Variants in EPB41L4A observed in about 807,000 individuals in gnomAD.
The protein encoded by EPB41L4A is erythrocyte membrane protein band 4.1 like 4A, also known as band 4.1-like protein 4A.
A neutral mutation model predicts 108.6 loss-of-function variants in EPB41L4A; 100 were observed. That is an observed-to-expected ratio of 0.92 (90% confidence interval 0.78 to 1.09). The LOEUF is 1.09. EPB41L4A is among the 50% of genes least tolerant of loss of function. The pLI is 0.00. For synonymous variants in EPB41L4A, 319 were observed against 289.0 expected, an observed-to-expected ratio of 1.10 and a Z score of -1.05; for missense variants, 1,030 against 842.7, an observed-to-expected ratio of 1.22 and a Z score of -2.75.
intron 7 of EPB41L4A, among the ~76,000 whole-genome samples, chr5:112,261,400 T>C (rs936347724): frequency 3.3e-5 from 5 of 152,210 alleles, no homozygotes; most frequent in Admixed American, 3.3e-4. Flanking sequence ...ATAATCCAAT[T>C]GATTAAAAAA....
At chr5:112,339,640 T>A (rs1019453012) in intron 1 of EPB41L4A, among the ~76,000 whole-genome samples, 3 of 151,142 alleles carry the variant, frequency 2.0e-5, no homozygotes, top group Admixed American at 2.0e-4. Context: ...TTCAAGCGAT[T>A]CCCCCGCCTC....
At chr5:112,258,621 G>A (rs895282950) in intron 9 of EPB41L4A, among the ~76,000 whole-genome samples, 1 of 151,986 alleles carries the variant, frequency 6.6e-6, no homozygotes, top group African/African-American at 2.4e-5. Flanking sequence ...GCCTTCTTTC[G>A]ACCATTTTTC....
upstream of EPB41L4A, chr5:112,419,673 G>A (rs926611737): frequency 2.2e-5 from 10 of 456,534 alleles, no homozygotes; most frequent in Non-Finnish European, 4.0e-5. Flanking sequence ...CAGAGGCGAA[G>A]GTCGTCGCTC....
chr5:112,389,670 A>G (rs712679), intron 1 of EPB41L4A, among the ~76,000 whole-genome samples: 2,812 of 152,298 alleles, frequency 0.018, 86 homozygotes, highest in African/African-American at 0.063. Context: ...TTTCCCGTCT[A>G]TAAAGGCAAC....
At chr5:112,276,749 A>G (rs2150495446) in intron 3 of EPB41L4A, among the ~76,000 whole-genome samples, 1 of 152,314 alleles carries the variant, frequency 6.6e-6, no homozygotes, top group Admixed American at 6.5e-5. Context: ...GGTATCATGT[A>G]TTTATAACAT....
At chr5:112,232,385 G>A (rs374300666) in intron 12 of EPB41L4A, among the ~76,000 whole-genome samples, 8 of 152,286 alleles carry the variant, frequency 5.3e-5, no homozygotes, top group East Asian at 3.9e-4. Context: ...TGCCTTTCAC[G>A]TCTTAGTTTC....
intron 1 of EPB41L4A, among the ~76,000 whole-genome samples, chr5:112,364,706 T>C (rs891987097): frequency 1.3e-5 from 2 of 152,348 alleles, no homozygotes; most frequent in East Asian, 3.9e-4. Context: ...TAACAAAACA[T>C]CTAAAAACTC....
At chr5:112,385,464 G>A (rs907038581) in intron 1 of EPB41L4A, among the ~76,000 whole-genome samples, 65 of 141,554 alleles carry the variant, frequency 4.6e-4, no homozygotes, top group African/African-American at 1.6e-3. Context: ...AGAGTCCTAC[G>A]TTGTTAAGCC....
At chr5:112,185,092 CTTTT>C (rs34741856) in intron 17 of EPB41L4A, among the ~76,000 whole-genome samples, 2 of 142,474 alleles carry the variant, frequency 1.4e-5, no homozygotes, top group Admixed American at 7.0e-5. Context: ...GCTGTGAAGC[CTTTT>C]TTTTTTTTTT....
chr5:112,206,011 C>T (rs950595194), intron 13 of EPB41L4A: 1 of 154,310 alleles, frequency 6.5e-6, no homozygotes, highest in African/African-American at 2.4e-5. Context: ...GGCTTCATCC[C>T]TCCAGATGAG....
intron 18 of EPB41L4A, among the ~76,000 whole-genome samples, chr5:112,181,640 A>G (rs972222531): frequency 2.0e-5 from 3 of 152,226 alleles, no homozygotes; most frequent in Admixed American, 1.3e-4. Context: ...TGCAGTATAT[A>G]CAAAAATTTA....
chr5:112,177,923 C>G (rs371283036), intron 18 of EPB41L4A, among the ~76,000 whole-genome samples: 1 of 151,256 alleles, frequency 6.6e-6, no homozygotes, highest in African/African-American at 2.4e-5. Flanking sequence ...AAAAAACAGG[C>G]GTAATAAACC....
intron 1 of EPB41L4A, among the ~76,000 whole-genome samples, chr5:112,362,010 C>G (rs1384927878): frequency 6.6e-6 from 1 of 152,200 alleles, no homozygotes; most frequent in Non-Finnish European, 1.5e-5. Context: ...ATTTTAAATT[C>G]TTGGTCTTGT....
intron 18 of EPB41L4A, among the ~76,000 whole-genome samples, chr5:112,179,808 A>G (rs989941592): frequency 2.6e-5 from 4 of 152,170 alleles, no homozygotes; most frequent in Non-Finnish European, 4.4e-5. Context: ...ACTGTACTAC[A>G]TGATCTAGCC....
At chr5:112,383,293 C>T (rs1244979838) in intron 1 of EPB41L4A, among the ~76,000 whole-genome samples, 1 of 152,146 alleles carries the variant, frequency 6.6e-6, no homozygotes, top group Non-Finnish European at 1.5e-5. Flanking sequence ...TTTTCTTTAG[C>T]TTTCTTATAA....
intron 1 of EPB41L4A, among the ~76,000 whole-genome samples, chr5:112,359,476 G>C (rs1441898502): frequency 6.6e-6 from 1 of 151,782 alleles, no homozygotes; most frequent in Non-Finnish European, 1.5e-5. Context: ...ATTGAGTTTA[G>C]AATATGAAAA....
intron 1 of EPB41L4A, among the ~76,000 whole-genome samples, chr5:112,364,608 T>C (rs1489204939): frequency 6.6e-6 from 1 of 152,168 alleles, no homozygotes; most frequent in Non-Finnish European, 1.5e-5. Context: ...CAAAAGAAAA[T>C]CATGCTATAG....
At chr5:112,149,189 G>A (rs542726664) in intron 12 of EPB41L4A, among the ~76,000 whole-genome samples, 1 of 152,244 alleles carries the variant, frequency 6.6e-6, no homozygotes, top group Middle Eastern at 3.4e-3. Context: ...TTAAGAAAGA[G>A]ACTCTGGCCA....
chr5:112,234,110 A>G (rs1229511662), intron 12 of EPB41L4A, among the ~76,000 whole-genome samples: 1 of 151,832 alleles, frequency 6.6e-6, no homozygotes, highest in Non-Finnish European at 1.5e-5. Flanking sequence ...CTTGAGCCCA[A>G]GAGTTTGAGA....
Sources: allele counts gnomAD v4.1 joint callset (sites outside exome capture counted in the v4.1 genomes callset), GRCh38; gene constraint gnomAD v4.1.1; transcripts MANE v1.5; gene names NCBI Gene and HGNC (gene_info 2026-07-23, HGNC 2026-07-21).